SLC39A11: variants seen among roughly 807,000 people sequenced by gnomAD.
SLC39A11 encodes the protein solute carrier family 39 member 11.
A neutral mutation model predicts 36.1 loss-of-function variants in SLC39A11; 33 were observed. The observed-to-expected ratio is 0.91, with a 90% CI of 0.69 to 1.22. The LOEUF (loss-of-function observed/expected upper bound fraction) is 1.22, where lower values mean the gene tolerates loss of function less well. SLC39A11 is among the 50% of genes most tolerant of loss of function. SLC39A11 has a pLI of 0.00. For synonymous variants in SLC39A11, 166 were observed against 170.3 expected, an observed-to-expected ratio of 0.97 and a Z score of 0.20; for missense variants, 432 against 430.3, an observed-to-expected ratio of 1.00 and a Z score of -0.03.
At chr17:72,977,989 A>G (rs1323973842) in intron 4 of SLC39A11, among the ~76,000 whole-genome samples, 1 of 152,184 alleles carries the variant, frequency 6.6e-6, no homozygotes. Context: ...GTCACCAGAG[A>G]AAAACCAGCA....
Position 72,947,860 on chromosome 17 carries a change from G to T in SLC39A11, c.322C>A (p.Pro108Thr). Reference protein sequence around the residue: ...LMPHLGAAEDPQTTLALNFGS... With the variant: ...LMPHLGAAEDTQTTLALNFGS... ...AAGTTCAGTGCCAGGGTCGTCTGGG[G>T]GTCTTCTGCTGCACCCTGAAACAAG... Residue 108 changes from proline to threonine, a missense_variant, in exon 5 of 10, where the codon CCC becomes ACC. Physicochemically the swap from Pro to Thr is conservative, Grantham distance 38 (BLOSUM62 -1). Transcript: ENST00000255559. The T allele has an allele frequency of 6.2e-7, 1 of 1,613,828 alleles. No individual in the cohort carries two copies. The highest frequency in any genetic ancestry group is 2.2e-5 in the East Asian group (1 of 44,852).
Position 72,963,450 on chromosome 17 carries a change from G to A in SLC39A11, c.307-15575C>T, listed in dbSNP as rs193088497. 1.8e-4 allele frequency among the ~76,000 whole-genome samples: 28 copies of A among 152,084 alleles called. No homozygotes were observed. In the East Asian group the frequency reaches 4.8e-3, roughly 26 times the overall value. On this transcript the variant is annotated intron_variant, in intron 4 of 9. Coordinates refer to ENST00000255559, the MANE Select transcript of SLC39A11 (RefSeq NM_139177.4). ...CTCCCAAAGTGCTGGGATTACAGGCGTGAGCCACCGCGCCCGGCCACTGTG... is the reference window on the plus strand; with the variant it reads ...CTCCCAAAGTGCTGGGATTACAGGCATGAGCCACCGCGCCCGGCCACTGTG...
At chr17:73,033,453 G>C (rs559257653) in intron 3 of SLC39A11, among the ~76,000 whole-genome samples, 1 of 152,324 alleles carries the variant, frequency 6.6e-6, no homozygotes, top group East Asian at 1.9e-4. Context: ...TGGCACAGTG[G>C]TGCATGACTA....
intron 6 of SLC39A11, among the ~76,000 whole-genome samples, chr17:72,833,428 G>A (rs1026834578): frequency 3.3e-5 from 5 of 152,164 alleles, no homozygotes; most frequent in African/African-American, 1.2e-4. Flanking sequence ...AATAAAAAAA[G>A]GTCTACACGA....
intron 5 of SLC39A11, among the ~76,000 whole-genome samples, chr17:72,906,364 C>T (rs2082657119): frequency 6.6e-6 from 1 of 152,246 alleles, no homozygotes; most frequent in Non-Finnish European, 1.5e-5. Flanking sequence ...ACGTGGGCAC[C>T]ACGGGTGAGA....
chr17:73,070,425 C>G (rs149091304), intron 3 of SLC39A11, among the ~76,000 whole-genome samples: 1 of 152,274 alleles, frequency 6.6e-6, no homozygotes, highest in East Asian at 1.9e-4. Flanking sequence ...TTCTTTATGT[C>G]CAGAGCTCTT....
chr17:72,853,222 T>C, intron 5 of SLC39A11, among the ~76,000 whole-genome samples: 1 of 151,316 alleles, frequency 6.6e-6, no homozygotes. Flanking sequence ...GAGACAGGGT[T>C]TTGCTGCATT....
intron 5 of SLC39A11, among the ~76,000 whole-genome samples, chr17:72,932,689 G>C (rs1018741054): frequency 2.0e-5 from 3 of 152,016 alleles, no homozygotes; most frequent in African/African-American, 7.3e-5. Flanking sequence ...GAGCTCTTTG[G>C]CTATTTTTAC....
chr17:72,676,435 A>T (rs572454639), intron 7 of SLC39A11, among the ~76,000 whole-genome samples: 1 of 152,272 alleles, frequency 6.6e-6, no homozygotes, highest in South Asian at 2.1e-4. Flanking sequence ...ACATTTCAAT[A>T]TGGTACCTGG....
At chr17:72,808,779 C>T (rs2077341132) in intron 6 of SLC39A11, among the ~76,000 whole-genome samples, 1 of 151,702 alleles carries the variant, frequency 6.6e-6, no homozygotes, top group African/African-American at 2.4e-5. Context: ...CTAAGCAATC[C>T]TGTCCTGTGG....
At chr17:73,057,735 C>G (rs914303187) in intron 3 of SLC39A11, among the ~76,000 whole-genome samples, 17 of 152,108 alleles carry the variant, frequency 1.1e-4, no homozygotes, top group African/African-American at 3.4e-4. Context: ...GTCAGGAGTA[C>G]GAGACCAGCC....
At chr17:72,823,229 G>A (rs1412756978) in intron 6 of SLC39A11, among the ~76,000 whole-genome samples, 1 of 151,126 alleles carries the variant, frequency 6.6e-6, no homozygotes, top group Non-Finnish European at 1.5e-5. Flanking sequence ...GTCCTTCTAG[G>A]TCACCCAACT....
intron 5 of SLC39A11, among the ~76,000 whole-genome samples, chr17:72,945,259 C>G (rs147328135): frequency 6.6e-6 from 1 of 152,342 alleles, no homozygotes; most frequent in Non-Finnish European, 1.5e-5. Context: ...TGCTGCTCCT[C>G]AGAGCAGCTG....
At chr17:72,939,321 G>A (rs926430122) in intron 5 of SLC39A11, among the ~76,000 whole-genome samples, 23 of 152,156 alleles carry the variant, frequency 1.5e-4, no homozygotes, top group African/African-American at 5.5e-4. Flanking sequence ...ATTAGCTGGG[G>A]GTAGTGGCGT....
At chr17:73,053,352 G>C (rs1265053795) in intron 3 of SLC39A11, among the ~76,000 whole-genome samples, 1 of 152,098 alleles carries the variant, frequency 6.6e-6, no homozygotes, top group African/African-American at 2.4e-5. Context: ...GATAAAAGAG[G>C]TAAGTAGTAA....
At chr17:72,719,788 C>T (rs551821763) in intron 7 of SLC39A11, among the ~76,000 whole-genome samples, 2 of 152,256 alleles carry the variant, frequency 1.3e-5, no homozygotes, top group Middle Eastern at 6.8e-3. Context: ...ATGTCCAATC[C>T]CTGTCGCCAG....
intron 6 of SLC39A11, among the ~76,000 whole-genome samples, chr17:72,740,192 G>C (rs1329340223): frequency 6.7e-6 from 1 of 149,004 alleles, no homozygotes; most frequent in Non-Finnish European, 1.5e-5. Flanking sequence ...CCTCCCGAGT[G>C]GCTGGGACTA....
chr17:73,083,273 G>A (rs1599213731), intron 3 of SLC39A11, among the ~76,000 whole-genome samples: 1 of 152,156 alleles, frequency 6.6e-6, no homozygotes. Flanking sequence ...AGAACGTATG[G>A]AAGCTGAGGA....
intron 4 of SLC39A11, among the ~76,000 whole-genome samples, chr17:72,994,882 G>T (rs1186042743): frequency 6.6e-6 from 1 of 152,150 alleles, no homozygotes; most frequent in Non-Finnish European, 1.5e-5. Context: ...GAAGGAGGGG[G>T]TTATTTGGGC....
Sources: gnomAD v4.1 joint callset for allele counts (sites outside exome capture counted in the v4.1 genomes callset) on GRCh38, gnomAD v4.1.1 for gene constraint, MANE v1.5 for transcripts, NCBI Gene and HGNC (gene_info 2026-07-23, HGNC 2026-07-21) for gene names.